PLCB4: variants seen among roughly 807,000 people sequenced by gnomAD.
The protein encoded by PLCB4 is phospholipase C beta 4.
In PLCB4, 77 loss-of-function variants were observed where a neutral mutation model predicts 178.8. The observed-to-expected ratio is 0.43, with a 90% confidence interval of 0.36 to 0.52. The LOEUF is 0.52. PLCB4 is among the 20% of genes least tolerant of loss of function. PLCB4 has a pLI of 0.00. For missense variants in PLCB4, 1,024 were observed against 1,453.4 expected (o/e 0.70, Z 4.80); for synonymous variants, 496 against 490.8 (o/e 1.01, Z -0.14).
At chr20:9,184,378 A>T (rs1600973136) in intron 2 of PLCB4, among the ~76,000 whole-genome samples, 1 of 152,160 alleles carries the variant, frequency 6.6e-6, no homozygotes, top group African/African-American at 2.4e-5. Flanking sequence ...CTTTACCTTC[A>T]TAAGCACTTT....
intron 1 of PLCB4, among the ~76,000 whole-genome samples, chr20:9,093,180 G>A (rs1324754451): frequency 1.3e-5 from 2 of 152,210 alleles, no homozygotes; most frequent in Non-Finnish European, 2.9e-5. Context: ...CTGCATGAAT[G>A]TAAAATATCT....
intron 32 of PLCB4, among the ~76,000 whole-genome samples, chr20:9,448,974 C>T (rs2042583500): frequency 6.6e-6 from 1 of 151,900 alleles, no homozygotes; most frequent in South Asian, 2.1e-4. Flanking sequence ...CCATTTGCAC[C>T]CCAGATGGAT....
rs1440379418 is a variant in PLCB4 at position 9,478,962 on chromosome 20, G to A, written c.3574G>A (p.Gly1192Arg). 3 of 1,613,540 alleles carry A rather than the reference G, an allele frequency of 1.9e-6. No homozygotes were observed. The highest frequency in any genetic ancestry group is 2.7e-5 in the African/African-American group (2 of 74,884). Residue 1192 changes from glycine to arginine, a missense_variant, in exon 40 of 40, where the codon GGA (glycine) becomes AGA (arginine). Physicochemically the swap from Gly to Arg is moderately radical, Grantham distance 125 (BLOSUM62 -2). This residue lies in a region of PLCB4 where 264 missense variants were observed against 283.2 expected (regional missense o/e 0.93). Coordinates refer to ENST00000378473, the MANE Select transcript of PLCB4 (RefSeq NM_001377142.1). ...AADGEIGSRDGPQTSNSSMKL... is the reference protein window; with the variant it reads ...AADGEIGSRDRPQTSNSSMKL... ...AGATGGTGAAATTGGAAGCCGAGAT[G>A]GACCGCAGACCAGCAACAGTAGTAT... is the stretch of plus-strand genomic sequence containing the variant.
intron 28 of PLCB4, among the ~76,000 whole-genome samples, chr20:9,427,187 C>T (rs1025641262): frequency 1.8e-4 from 28 of 152,050 alleles, no homozygotes; most frequent in African/African-American, 6.5e-4. Flanking sequence ...TTCATGCCAC[C>T]GCACTCCAGC....
intron 2 of PLCB4, among the ~76,000 whole-genome samples, chr20:9,174,925 G>T (rs538849033): frequency 2.0e-5 from 3 of 152,108 alleles, no homozygotes; most frequent in Non-Finnish European, 2.9e-5. Context: ...GTCCGTCTTT[G>T]TTTCTAAGAA....
intron 3 of PLCB4, among the ~76,000 whole-genome samples, chr20:9,258,775 C>A (rs1601479241): frequency 6.7e-6 from 1 of 149,870 alleles, no homozygotes; most frequent in Non-Finnish European, 1.5e-5. Flanking sequence ...GGAATGACTT[C>A]ATGGTTTGGA....
chr20:9,289,293 G>C (rs1231711544), intron 3 of PLCB4, among the ~76,000 whole-genome samples: 1 of 151,986 alleles, frequency 6.6e-6, no homozygotes, highest in East Asian at 1.9e-4. Flanking sequence ...GGCCTAAGTG[G>C]CTAGATTGTG....
chr20:9,430,193 T>A (rs1220284410), intron 28 of PLCB4, among the ~76,000 whole-genome samples: 2 of 152,260 alleles, frequency 1.3e-5, no homozygotes, highest in Admixed American at 1.3e-4. Flanking sequence ...ACATGTGGCC[T>A]GTGGGCCATG....
chr20:9,349,148 T>C (rs940296319), intron 7 of PLCB4, among the ~76,000 whole-genome samples: 14 of 152,196 alleles, frequency 9.2e-5, no homozygotes, highest in Non-Finnish European at 1.3e-4. Context: ...GTGAAATTTA[T>C]GTAACATAAA....
At chr20:9,451,262 C>G (rs1458161437) in intron 32 of PLCB4, among the ~76,000 whole-genome samples, 1 of 152,086 alleles carries the variant, frequency 6.6e-6, no homozygotes, top group Non-Finnish European at 1.5e-5. Flanking sequence ...TAATAAGGTT[C>G]ACCAAAATAT....
chr20:9,468,491 C>A, intron 35 of PLCB4, 80 bp from the exon 36 acceptor site: 1 of 832,764 alleles, frequency 1.2e-6, no homozygotes, highest in Non-Finnish European at 2.1e-6. Context: ...TTCTCATTTT[C>A]CCCAGGTGAA....
At chr20:9,458,581 GGGCGTATGGCCT>G (rs375271464) in intron 34 of PLCB4, among the ~76,000 whole-genome samples, 2,642 of 152,252 alleles carry the variant, frequency 0.017, 64 homozygotes, top group African/African-American at 0.06. Context: ...TGTCAGCAGG[GGGCGTATGGCCT>G]TACTTATGTA....
Position 9,337,192 on chromosome 20 carries a change from A to C in PLCB4, c.151A>C (p.Arg51=). The change falls in exon 5 of 40, where the codon AGA becomes CGA. Residue 51 remains arginine (R), a synonymous_variant. Transcript: ENST00000378473. ...TGAGTTTGGCTTCTTTCTGACATGG[A>C]GAAGTGAAGGCAAGGTATGGCCCAA... The part of the protein sequence containing the change: ...VDEFGFFLTW[R]SEGKEGQVLE... 6.2e-7 allele frequency: 1 copy of C among 1,612,312 alleles called. No homozygotes were observed. The highest frequency in any genetic ancestry group is 1.1e-5 in the South Asian group (1 of 91,040).
At chr20:9,157,526 A>G (rs781215077) in intron 2 of PLCB4, among the ~76,000 whole-genome samples, 2 of 152,178 alleles carry the variant, frequency 1.3e-5, no homozygotes, top group Non-Finnish European at 2.9e-5. Context: ...GAAGGAAACT[A>G]TAGTGTGGAA....
At chr20:9,294,335 A>C (rs1382241235) in intron 3 of PLCB4, among the ~76,000 whole-genome samples, 2 of 152,094 alleles carry the variant, frequency 1.3e-5, no homozygotes, top group African/African-American at 4.8e-5. Context: ...TACTTTCTTC[A>C]AGTTGCCTGT....
At chr20:9,201,000 G>A (rs1448902202) in intron 2 of PLCB4, among the ~76,000 whole-genome samples, 3 of 152,170 alleles carry the variant, frequency 2.0e-5, no homozygotes, top group African/African-American at 7.2e-5. Flanking sequence ...GCAGCAGAAG[G>A]CAGGTAAACA....
rs140442157 is a variant in PLCB4 at position 9,464,120 on chromosome 20, G to T, written c.3248+4310G>T. On this transcript the variant is annotated intron_variant, in intron 35 of 39. Transcript: ENST00000378473. ...CAATCAAATTAGAACTCAGGATTAA[G>T]AAACTCACTCAAAACTGCAAAACTA... 3.0e-3 allele frequency among the ~76,000 whole-genome samples: 456 copies of T among 152,298 alleles called. 2 individuals carry two copies. Among genetic ancestry groups the T allele is most frequent in the African/African-American group, 0.01 (422 of 41,564 alleles).
intron 3 of PLCB4, among the ~76,000 whole-genome samples, chr20:9,246,511 A>C (rs1206228021): frequency 1.3e-5 from 2 of 152,126 alleles, no homozygotes; most frequent in Admixed American, 1.3e-4. Context: ...CTTTAATCCA[A>C]CACTTAATAC....
At chr20:9,368,466 C>T (rs1405635094) in intron 9 of PLCB4, among the ~76,000 whole-genome samples, 2 of 152,114 alleles carry the variant, frequency 1.3e-5, no homozygotes, top group African/African-American at 2.4e-5. Context: ...AAGTGAGTAG[C>T]CAGACAGTAG....
Sources: allele counts gnomAD v4.1 joint callset (sites outside exome capture counted in the v4.1 genomes callset), GRCh38; gene constraint gnomAD v4.1.1; regional missense constraint gnomAD v4.1.1; transcripts MANE v1.5; gene names NCBI Gene and HGNC (gene_info 2026-07-23, HGNC 2026-07-21).